The following THOC2 variants were observed in gnomAD, a reference collection of about 807,000 sequenced individuals.
THOC2 encodes THO complex 2.
Under a neutral mutation model 128.4 loss-of-function variants are expected in THOC2, and 10 were observed. The ratio of observed to expected loss-of-function variants is 0.08; its 90% confidence interval spans 0.05 to 0.13. The LOEUF (loss-of-function observed/expected upper bound fraction) is 0.13, where lower values mean the gene tolerates loss of function less well. THOC2 is among the 10% of genes least tolerant of loss of function. The pLI is 1.00. For missense variants in THOC2, 535 were observed against 1,155.7 expected, an observed-to-expected ratio of 0.46 and a Z score of 7.79; for synonymous variants, 393 against 396.9, an observed-to-expected ratio of 0.99 and a Z score of 0.12.
chrX:123,708,955 C>G (rs931959390), intron 2 of THOC2, among the ~76,000 whole-genome samples: 4 of 111,392 alleles, frequency 3.6e-5, no homozygotes, highest in Non-Finnish European at 7.5e-5. Context: ...CCATGTTGAC[C>G]CGGCTGGTCT....
intron 12 of THOC2, among the ~76,000 whole-genome samples, chrX:123,652,071 A>T (rs1274313243): frequency 1.8e-5 from 2 of 111,711 alleles, no homozygotes; most frequent in Non-Finnish European, 3.8e-5. Flanking sequence ...CACATCAAAA[A>T]GTTTATCCAC....
chrX:123,727,144 G>A (rs1004617724), intron 1 of THOC2, among the ~76,000 whole-genome samples: 1 of 110,709 alleles, frequency 9.0e-6, no homozygotes, highest in Admixed American at 9.7e-5. Flanking sequence ...TGAGCCTGGT[G>A]GGGTCAAGCC....
Position 123,696,063 on chromosome X carries a change from T to C in THOC2, c.559A>G (p.Ile187Val). The change falls in exon 7 of 39, where the codon ATT becomes GTT. Residue 187 changes from isoleucine (I) to valine (V), a missense_variant. Transcript: ENST00000245838. ...AELGQDLSGS[I>V]TSDLILENIK... ...TTTTCTAAGATTAAATCACTAGTAA[T>C]ACTTCCAGATAAATCTTGCCCCAAT... 1 of 1,133,423 alleles carries C rather than the reference T, an allele frequency of 8.8e-7. No individual in the cohort carries two copies. The highest frequency in any genetic ancestry group is 1.2e-6 in the Non-Finnish European group (1 of 825,290). 93.4% of individuals were successfully genotyped at this position (1,133,423 alleles called of 1,213,427 possible).
intron 15 of THOC2, among the ~76,000 whole-genome samples, chrX:123,644,066 T>C (rs779263456): frequency 3.2e-4 from 36 of 112,532 alleles, no homozygotes; most frequent in Non-Finnish European, 6.4e-4. Context: ...ATCACTCTTA[T>C]GTTTTTAATG....
At chrX:123,691,095 C>T (rs1264831527) in intron 7 of THOC2, among the ~76,000 whole-genome samples, 14 of 111,269 alleles carry the variant, frequency 1.3e-4, no homozygotes. Flanking sequence ...GCCTGTAGTA[C>T]CAGCTATTTG....
At chrX:123,630,646 G>A (rs2047445169) in intron 22 of THOC2, among the ~76,000 whole-genome samples, 1 of 107,388 alleles carries the variant, frequency 9.3e-6, no homozygotes. Context: ...AAAAATCTGG[G>A]CAGCGTTTGG....
At position 123,600,705 on chromosome X, in the gene THOC2, G is replaced by T. The variant is rs1402089977; in HGVS notation, c.*652C>A. 8.9e-6 allele frequency: 1 copy of T among 112,212 alleles called. No homozygotes were observed. Among genetic ancestry groups the T allele is most frequent in the Admixed American group, 9.5e-5 (1 of 10,556 alleles). 9.2% of individuals were successfully genotyped at this position (112,212 alleles called of 1,213,427 possible). A position where few individuals can be genotyped will look rare whatever the true frequency, so the allele number is the denominator to read the frequency against. On this transcript the variant is annotated 3_prime_UTR_variant, in exon 39 of 39. Transcript: ENST00000245838. The stretch of plus-strand genomic sequence containing the variant: ...GCAATACAAAGCTCCTACAGCTGTA[G>T]AATTAAAACAATTATGTTTTGATCC...
chrX:123,711,854 A>G (rs1450674159), intron 2 of THOC2, among the ~76,000 whole-genome samples: 1 of 107,573 alleles, frequency 9.3e-6, no homozygotes, highest in Non-Finnish European at 1.9e-5. Flanking sequence ...TGGGAATCTG[A>G]AGTGGCAGGA....
chrX:123,673,705 G>A (rs2049372115), intron 8 of THOC2, among the ~76,000 whole-genome samples: 1 of 112,056 alleles, frequency 8.9e-6, no homozygotes, highest in South Asian at 3.8e-4. Flanking sequence ...CTCATTTAAA[G>A]GTTCTTTTCA....
Position 123,696,142 on chromosome X carries a change from T to C in THOC2, c.480A>G (p.Gln160=), listed in dbSNP as rs2050438543. 8.5e-7 allele frequency: 1 copy of C among 1,178,975 alleles called. No homozygotes were observed. The highest frequency in any genetic ancestry group is 1.1e-6 in the Non-Finnish European group (1 of 870,095). ...TCTCTTCTCTTAACAAATTGAATTT[T>C]TGCTGCTTATAACTGAAATCAGATA... ...KIKTKLFYKQ[Q]KFNLLREENE... The change falls in exon 7 of 39, where the codon CAA becomes CAG. Residue 160 remains glutamine, a synonymous_variant. Transcript: ENST00000245838.
At chrX:123,685,135 C>T (rs777301527) in intron 8 of THOC2, among the ~76,000 whole-genome samples, 13 of 112,512 alleles carry the variant, frequency 1.2e-4, no homozygotes, top group African/African-American at 3.9e-4. Context: ...CACTCGTTTA[C>T]AATTAGTGAG....
At chrX:123,621,652 A>C (rs2047085871) in intron 30 of THOC2, 65 bp from the exon 31 acceptor site, 1 of 853,453 alleles carries the variant, frequency 1.2e-6, no homozygotes, top group Non-Finnish European at 1.6e-6. Flanking sequence ...GATATATGAT[A>C]AAATATATCA....
chrX:123,674,891 G>A, intron 8 of THOC2, among the ~76,000 whole-genome samples: 1 of 111,462 alleles, frequency 9.0e-6, no homozygotes, highest in East Asian at 2.8e-4. Flanking sequence ...CCATTTGACA[G>A]ATTTATAACC....
In THOC2 at chrX:123,697,704, T is replaced by A; in HGVS notation, c.322A>T (p.Thr108Ser). The A allele has an allele frequency of 9.0e-7, 1 of 1,107,520 alleles. No homozygotes were observed. Among genetic ancestry groups the A allele is most frequent in the Admixed American group, 2.4e-5 (1 of 40,859 alleles). The allele number at this position is 1,107,520 out of a possible 1,213,427, so 91.3% of individuals were successfully genotyped here. A position where few individuals can be genotyped will look rare whatever the true frequency, so the allele number is the denominator to read the frequency against. ...LEEKSKRDYF[T>S]QLVLACLYLV... ...ACCAAACATGCTAATACCAACTGTG[T>A]AAAATAGTCTCTCTTGCTTTTTTCT... Residue 108 changes from threonine (T) to serine (S), a missense_variant, in exon 5 of 39, where the codon ACA becomes TCA. By Grantham distance (58) the Thr-to-Ser change is moderately conservative. Transcript: ENST00000245838.
intron 12 of THOC2, among the ~76,000 whole-genome samples, chrX:123,654,255 C>T (rs907845438): frequency 5.5e-5 from 6 of 109,201 alleles, no homozygotes; most frequent in Admixed American, 3.0e-4. Flanking sequence ...GGGTCTGTAG[C>T]AGGGTAGGGG....
At chrX:123,663,848 C>T (rs777345242) in intron 12 of THOC2, among the ~76,000 whole-genome samples, 52 of 111,166 alleles carry the variant, frequency 4.7e-4, no homozygotes, top group Non-Finnish European at 7.9e-4. Context: ...TCAATTCCCA[C>T]CTATGAGTGA....
chrX:123,665,554 A>AT (rs1301785336), intron 12 of THOC2, 88 bp downstream of exon 12: 2 of 645,208 alleles, frequency 3.1e-6, no homozygotes, highest in Admixed American at 4.0e-5. Flanking sequence ...TGAGGTTCAT[A>AT]TTTTTATTTC....
chrX:123,609,672 AAAGC>A (rs1321820784), intron 38 of THOC2, among the ~76,000 whole-genome samples: 1 of 112,010 alleles, frequency 8.9e-6, no homozygotes, highest in Non-Finnish European at 1.9e-5. Flanking sequence ...GAAGTATAGA[AAAGC>A]AAGTATACTT....
At chrX:123,619,379 G>A (rs763471358) in intron 33 of THOC2, 22 bp downstream of exon 33, 9 of 1,049,275 alleles carry the variant, frequency 8.6e-6, no homozygotes, top group Middle Eastern at 2.5e-4. Context: ...ACTTAGGCAT[G>A]ATGATTTTAA....
Sources: gnomAD v4.1 joint callset for allele counts (sites outside exome capture counted in the v4.1 genomes callset) on GRCh38, gnomAD v4.1.1 for gene constraint, MANE v1.5 for transcripts, NCBI Gene and HGNC (gene_info 2026-07-23, HGNC 2026-07-21) for gene names.